The following TTLL6 variants were observed in gnomAD, a reference collection of about 807,000 sequenced individuals.
TTLL6 encodes the protein tubulin polyglutamylase TTLL6.
TTLL6 carries 75 observed loss-of-function variants against 96.4 expected under a neutral mutation model. The observed-to-expected ratio is 0.78, with a 90% confidence interval of 0.65 to 0.94. The LOEUF (loss-of-function observed/expected upper bound fraction) is 0.94. TTLL6 is among the 40% of genes least tolerant of loss of function. The pLI, the probability that TTLL6 is intolerant of heterozygous loss-of-function variation, is 0.00. For missense variants in TTLL6, 1,030 were observed against 1,093.0 expected (o/e 0.94, Z 0.81); for synonymous variants, 411 against 419.4 (o/e 0.98, Z 0.24).
At chr17:48,803,549 G>A (rs1266300091) in intron 3 of TTLL6, among the ~76,000 whole-genome samples, 1 of 151,058 alleles carries the variant, frequency 6.6e-6, no homozygotes, top group Non-Finnish European at 1.5e-5. Context: ...AAATAGGTCT[G>A]TAGATCAGAT....
chr17:48,780,444 A>G (rs2038964469), intron 13 of TTLL6, among the ~76,000 whole-genome samples: 1 of 152,252 alleles, frequency 6.6e-6, no homozygotes, highest in African/African-American at 2.4e-5. Context: ...TCCAGGATCC[A>G]ATCGAAGGCA....
At chr17:48,788,100 C>T (rs1453041725) in intron 10 of TTLL6, 101 bp from the exon 11 acceptor site, 1 of 1,071,910 alleles carries the variant, frequency 9.3e-7, no homozygotes, top group Non-Finnish European at 1.4e-6. Context: ...AGATGGAGGC[C>T]TTGCACATAA....
At chr17:48,799,567 T>C in intron 6 of TTLL6, 37 bp downstream of exon 6, 1 of 1,543,058 alleles carries the variant, frequency 6.5e-7, no homozygotes, top group South Asian at 1.2e-5. Flanking sequence ...CCGCGGTTGC[T>C]GTGGGTGATA....
At chr17:48,790,743 G>A (rs538760350) in intron 9 of TTLL6, among the ~76,000 whole-genome samples, 4 of 152,158 alleles carry the variant, frequency 2.6e-5, no homozygotes, top group South Asian at 4.1e-4. Flanking sequence ...CTGTAATCTC[G>A]GGTTCTCCAC....
At chr17:48,813,614 T>G (rs1322980098) in intron 1 of TTLL6, among the ~76,000 whole-genome samples, 3 of 152,176 alleles carry the variant, frequency 2.0e-5, no homozygotes, top group African/African-American at 7.2e-5. Flanking sequence ...CACATCATTT[T>G]CCTTAAAGTC....
At chr17:48,809,260 A>G (rs572573464) in intron 1 of TTLL6, among the ~76,000 whole-genome samples, 1 of 152,304 alleles carries the variant, frequency 6.6e-6, no homozygotes, top group Admixed American at 6.5e-5. Flanking sequence ...TTCTGAGTCA[A>G]TTGTTCCCAG....
At chr17:48,812,597 G>C (rs994960121) in intron 1 of TTLL6, among the ~76,000 whole-genome samples, 2 of 152,158 alleles carry the variant, frequency 1.3e-5, no homozygotes, top group Non-Finnish European at 2.9e-5. Flanking sequence ...AACAGTGCCT[G>C]GCACATAGAA....
intron 1 of TTLL6, among the ~76,000 whole-genome samples, chr17:48,814,250 C>T (rs1452159506): frequency 7.6e-6 from 1 of 130,958 alleles, no homozygotes; most frequent in African/African-American, 2.9e-5. Context: ...ACCTGGGAGG[C>T]GGACGTTGCA....
chr17:48,762,652 G>A lies in TTLL6; in HGVS notation c.*322C>T, dbSNP rs1392572333. 2 of 214,918 alleles carry A rather than the reference G, an allele frequency of 9.3e-6. No individual in the cohort carries two copies. Among genetic ancestry groups the A allele is most frequent in the East Asian group, 3.0e-4 (2 of 6,694 alleles). The allele number at this position is 214,918 out of a possible 1,614,324, so 13.3% of individuals were successfully genotyped here. On this transcript the variant is annotated 3_prime_UTR_variant, in exon 16 of 16. Coordinates refer to ENST00000393382, the MANE Select transcript of TTLL6 (RefSeq NM_001130918.3). ...ACTACTCCCGAAGTTGCTTTATCTG[G>A]GGGAGTATTCTGGATGATGGTGCCA... is the stretch of plus-strand genomic sequence containing the variant.
In TTLL6 at chr17:48,770,013, C is replaced by T. The variant is rs753599603; in HGVS notation, c.2125G>A (p.Ala709Thr). 2.0e-5 allele frequency: 32 copies of T among 1,613,930 alleles called. No homozygotes were observed. Among genetic ancestry groups the T allele is most frequent in the Admixed American group, 8.3e-5 (5 of 59,976 alleles). ...PKSPPTLAVT[A>T]SSEYSGPETD... is the part of the protein sequence containing the mutation. ...TCTGGGCCACTGTACTCAGAGCTGG[C>T]GGTCACAGCCAGGGTTGGCGGAGAC... is the stretch of plus-strand genomic sequence containing the variant. The change falls in exon 14 of 16, where the codon GCC becomes ACC. Residue 709 changes from alanine to threonine, a missense_variant. Transcript: ENST00000393382.
chr17:48,797,160 T>G lies in TTLL6; in HGVS notation c.813A>C (p.Val271=), dbSNP rs946246376. Residue 271 remains valine (V), a synonymous_variant, in exon 7 of 16, where the codon GTA becomes GTC. Coordinates refer to ENST00000393382, the MANE Select transcript of TTLL6 (RefSeq NM_001130918.3). ...DGFKFDLRIY[V]LVTSCDPLRI... ...TGAGAGGGTCACAGGATGTCACCAG[T>G]ACATAAATCCGTAGGTCAAACTTAA... The G allele has an allele frequency of 6.4e-7, 1 of 1,551,392 alleles. No homozygotes were observed. The highest frequency in any genetic ancestry group is 1.4e-5 in the African/African-American group (1 of 72,952).
Position 48,804,853 on chromosome 17 carries a change from G to A in TTLL6, c.242C>T (p.Ala81Val). 6.4e-7 allele frequency: 1 copy of A among 1,552,324 alleles called. No individual in the cohort carries two copies. The highest frequency in any genetic ancestry group is 8.7e-7 in the Non-Finnish European group (1 of 1,147,128). ...TGCCCCTGGGTTCTCTCTCACAAAAGCCAGCGCGACGGTTTCTTTTGGATC... is the reference window on the plus strand; with the variant it reads ...TGCCCCTGGGTTCTCTCTCACAAAAACCAGCGCGACGGTTTCTTTTGGATC... ...KEDPKETVALAFVRENPGAQN... is the reference protein window; with the variant it reads ...KEDPKETVALVFVRENPGAQN... The change falls in exon 2 of 16, where the codon GCT (alanine) becomes GTT (valine). Residue 81 changes from alanine (A) to valine (V), a missense_variant. Ala to Val is a moderately conservative substitution (Grantham distance 64). Coordinates refer to ENST00000393382, the MANE Select transcript of TTLL6 (RefSeq NM_001130918.3).
chr17:48,796,289 A>G (rs868305971), intron 7 of TTLL6, 143 bp from the exon 8 acceptor site: 3 of 599,212 alleles, frequency 5.0e-6, no homozygotes, highest in Middle Eastern at 4.3e-4. Context: ...GGCAAAATAC[A>G]GGAAGTAAGA....
chr17:48,769,651 C>T, intron 14 of TTLL6, 77 bp downstream of exon 14: 1 of 1,524,914 alleles, frequency 6.6e-7, no homozygotes, highest in Non-Finnish European at 8.8e-7. Flanking sequence ...TGGGAGCTCC[C>T]CAAAGATTAG....
chr17:48,788,963 C>G (rs2039164076), intron 10 of TTLL6, among the ~76,000 whole-genome samples: 1 of 152,048 alleles, frequency 6.6e-6, no homozygotes, highest in Admixed American at 6.6e-5. Flanking sequence ...ACAAAGGATC[C>G]CCTTGACTAG....
At chr17:48,809,186 C>A (rs1424485173) in intron 1 of TTLL6, among the ~76,000 whole-genome samples, 3 of 152,150 alleles carry the variant, frequency 2.0e-5, no homozygotes, top group Non-Finnish European at 2.9e-5. Flanking sequence ...TAGGCAAGAC[C>A]CTTTATGGTG....
chr17:48,788,871 A>G (rs1354964959), intron 10 of TTLL6, among the ~76,000 whole-genome samples: 2 of 152,232 alleles, frequency 1.3e-5, no homozygotes, highest in Non-Finnish European at 2.9e-5. Flanking sequence ...TTATGGCATC[A>G]GTTCCAGAAA....
At chr17:48,803,320 C>T (rs1331826503) in intron 3 of TTLL6, among the ~76,000 whole-genome samples, 3 of 151,796 alleles carry the variant, frequency 2.0e-5, no homozygotes, top group African/African-American at 7.3e-5. Context: ...TGCTGCGAAA[C>T]CCCATCTCTA....
At chr17:48,771,042 C>A (rs1478708927) in intron 13 of TTLL6, among the ~76,000 whole-genome samples, 2 of 152,312 alleles carry the variant, frequency 1.3e-5, no homozygotes, top group Non-Finnish European at 2.9e-5. Flanking sequence ...AGGACACCCA[C>A]AATCCACATG....
Sources: allele counts gnomAD v4.1 joint callset (sites outside exome capture counted in the v4.1 genomes callset), GRCh38; gene constraint gnomAD v4.1.1; transcripts MANE v1.5; gene names NCBI Gene and HGNC (gene_info 2026-07-23, HGNC 2026-07-21).